ZNF623: variants seen among roughly 807,000 people sequenced by gnomAD.
The protein encoded by ZNF623 is zinc finger protein 623.
ZNF623 carries 16 observed loss-of-function variants against 24.0 expected under a neutral mutation model. That is an observed-to-expected ratio of 0.67 (90% CI 0.45 to 1.01). ZNF623 has a LOEUF of 1.01. Ranked by LOEUF, ZNF623 falls within the 50% of genes least tolerant of loss-of-function variation. ZNF623 has a pLI of 0.00. For missense variants in ZNF623, 566 were observed against 606.5 expected, an observed-to-expected ratio of 0.93 and a Z score of 0.70; for synonymous variants, 224 against 219.8, an observed-to-expected ratio of 1.02 and a Z score of -0.17.
At chr8:143,645,364 A>G (rs1254129732) in intron 1 of ZNF623, among the ~76,000 whole-genome samples, 5 of 149,704 alleles carry the variant, frequency 3.3e-5, no homozygotes, top group South Asian at 2.1e-4. Context: ...CCCAGGAGGC[A>G]GAGCCTGCAG....
chr8:143,649,285 A>AC (rs1199306336), intron 1 of ZNF623, among the ~76,000 whole-genome samples: 1 of 147,344 alleles, frequency 6.8e-6, no homozygotes, highest in African/African-American at 2.7e-5. Flanking sequence ...CTAAAAAAAA[A>AC]AAAAACAAAA....
chr8:143,646,341 C>G (rs997361731), intron 1 of ZNF623, among the ~76,000 whole-genome samples: 3 of 152,200 alleles, frequency 2.0e-5, no homozygotes, highest in African/African-American at 7.2e-5. Context: ...CTGTACCTGG[C>G]TTATTACCTT....
intron 1 of ZNF623, among the ~76,000 whole-genome samples, chr8:143,637,472 A>G (rs1032842318): frequency 2.0e-5 from 3 of 152,162 alleles, no homozygotes; most frequent in African/African-American, 4.8e-5. Flanking sequence ...ACACCCCTAG[A>G]CACCCCAGAG....
intron 1 of ZNF623, among the ~76,000 whole-genome samples, chr8:143,638,124 T>G (rs1235831225): frequency 1.3e-5 from 2 of 152,094 alleles, no homozygotes; most frequent in African/African-American, 4.8e-5. Flanking sequence ...GGGCAGATCA[T>G]GAGGTCAAGA....
rs1449671489 is a variant in ZNF623, at chr8:143,653,263, A to C, written c.*1780A>C. The C allele has an allele frequency of 6.0e-6, 1 of 167,080 alleles. No homozygotes were observed. The highest frequency in any genetic ancestry group is 2.4e-5 in the African/African-American group (1 of 41,436). The allele number at this position is 167,080 out of a possible 1,614,324, so 10.3% of individuals were successfully genotyped here. A position where few individuals can be genotyped will look rare whatever the true frequency, so the allele number is the denominator to read the frequency against. ...CCCCAAAGTCCAGTTTTGTAACGATATAATTTTTTTCTCATGAGGCCATAT... is the reference window on the plus strand; with the variant it reads ...CCCCAAAGTCCAGTTTTGTAACGATCTAATTTTTTTCTCATGAGGCCATAT... On this transcript the variant is annotated 3_prime_UTR_variant, in exon 2 of 2. Coordinates refer to ENST00000526926, the MANE Select transcript of ZNF623 (RefSeq NM_001261843.2).
chr8:143,648,042 C>CT (rs1235546839), intron 1 of ZNF623, among the ~76,000 whole-genome samples: 2 of 152,190 alleles, frequency 1.3e-5, no homozygotes, highest in African/African-American at 2.4e-5. Context: ...TGAAAAACTT[C>CT]TGAGAGCATC....
Position 143,649,928 on chromosome 8 carries a change from T to G in ZNF623, c.-65T>G, listed in dbSNP as rs749436722. 6.2e-7 allele frequency: 1 copy of G among 1,613,320 alleles called. No homozygotes were observed. Among genetic ancestry groups the G allele is most frequent in the Non-Finnish European group, 8.5e-7 (1 of 1,179,324 alleles). On this transcript the variant is annotated 5_prime_UTR_variant, in exon 2 of 2. Transcript: ENST00000526926. ...AATGTAGGAACTGGTGAGAAGAAGG[T>G]GACTGAAGCCTGGATTTCTGAGGAT...
Position 143,651,067 on chromosome 8 carries a change from G to A in ZNF623, c.1075G>A (p.Gly359Arg). The change falls in exon 2 of 2, where the codon GGA becomes AGA. Residue 359 changes from glycine to arginine, a missense_variant. Physicochemically the swap from Gly to Arg is moderately radical, Grantham distance 125. Coordinates refer to ENST00000526926, the MANE Select transcript of ZNF623 (RefSeq NM_001261843.2). ...YLIRHQKIHT[G>R]ERVYECKECG... Reference sequence around the variant, plus strand: ...TATTCGACACCAGAAAATCCACACTGGAGAGAGAGTGTATGAATGTAAGGA... The same window carrying A: ...TATTCGACACCAGAAAATCCACACTAGAGAGAGAGTGTATGAATGTAAGGA... The A allele has an allele frequency of 6.2e-7, 1 of 1,614,168 alleles. No homozygotes were observed. The highest frequency in any genetic ancestry group is 8.5e-7 in the Non-Finnish European group (1 of 1,180,020).
At position 143,651,447 on chromosome 8, in the gene ZNF623, G is replaced by A. The variant is rs375201753; in HGVS notation, c.1455G>A (p.Arg485=). The change falls in exon 2 of 2, where the codon AGG becomes AGA. Residue 485 remains arginine, a synonymous_variant. Coordinates refer to ENST00000526926, the MANE Select transcript of ZNF623 (RefSeq NM_001261843.2). ...AGGCCCCCATACATTTGGGTGAGAGGTCTGTAGATAAGGGGGAACACACAG... is the reference window on the plus strand; with the variant it reads ...AGGCCCCCATACATTTGGGTGAGAGATCTGTAGATAAGGGGGAACACACAG... ...LSKAPIHLGE[R]SVDKGEHTGN... is the part of the protein sequence containing the mutation. 1.3e-4 allele frequency: 208 copies of A among 1,600,786 alleles called. No individual in the cohort carries two copies. Among genetic ancestry groups the A allele is most frequent in the Non-Finnish European group, 1.6e-4 (190 of 1,175,290 alleles).
At chr8:143,643,378 A>G (rs1815102488) in intron 1 of ZNF623, among the ~76,000 whole-genome samples, 2 of 152,228 alleles carry the variant, frequency 1.3e-5, no homozygotes, top group Non-Finnish European at 2.9e-5. Context: ...TAACAAATGC[A>G]TGCTGCTTTA....
rs769530838 is a variant in ZNF623 at position 143,650,082 on chromosome 8, T to C, written c.90T>C (p.Ser30=). The change falls in exon 2 of 2, where the codon AGT becomes AGC. Residue 30 remains serine (S), a synonymous_variant. Transcript: ENST00000526926. The surrounding 1 kb of genome is among the most constrained non-coding windows in gnomAD (Gnocchi z 5.2). ...LGNPEGQSLG[S]SPSQDRGCKQ... ...ATCCAGAAGGTCAGAGCCTGGGGAGTTCCCCCTCTCAGGACAGGGGCTGCA... is the reference window on the plus strand; with the variant it reads ...ATCCAGAAGGTCAGAGCCTGGGGAGCTCCCCCTCTCAGGACAGGGGCTGCA... 1 of 1,613,678 alleles carries C rather than the reference T, an allele frequency of 6.2e-7. No homozygotes were observed. Among genetic ancestry groups the C allele is most frequent in the Admixed American group, 1.7e-5 (1 of 59,976 alleles).
chr8:143,651,663 C>A lies in ZNF623; in HGVS notation c.*180C>A. ...CTCAGCCCTTCTCCTCAGCTGTGAG[C>A]ACTGTCCTCAGGAGAGTCACAGGGC... On this transcript the variant is annotated 3_prime_UTR_variant, in exon 2 of 2. Coordinates refer to ENST00000526926, the MANE Select transcript of ZNF623 (RefSeq NM_001261843.2). 1.5e-6 allele frequency: 1 copy of A among 665,370 alleles called. No homozygotes were observed. Among genetic ancestry groups the A allele is most frequent in the Non-Finnish European group, 2.6e-6 (1 of 392,100 alleles). The allele number at this position is 665,370 out of a possible 1,614,324, so 41.2% of individuals were successfully genotyped here.
intron 1 of ZNF623, among the ~76,000 whole-genome samples, chr8:143,636,583 T>C (rs1443743032): frequency 1.3e-5 from 2 of 152,154 alleles, no homozygotes; most frequent in Non-Finnish European, 2.9e-5. Flanking sequence ...TTCCCGCGGC[T>C]GTGCCTGAAC....
chr8:143,646,795 G>A (rs769879602), intron 1 of ZNF623, among the ~76,000 whole-genome samples: 1 of 152,022 alleles, frequency 6.6e-6, no homozygotes, highest in Non-Finnish European at 1.5e-5. Flanking sequence ...CTCCCATGTA[G>A]TTGGAACCAC....
chr8:143,639,187 C>T (rs954040159), intron 1 of ZNF623, among the ~76,000 whole-genome samples: 2 of 146,904 alleles, frequency 1.4e-5, no homozygotes, highest in African/African-American at 2.5e-5. Flanking sequence ...CCACCATGTC[C>T]GGCCCACCCC....
At chr8:143,639,309 C>T (rs1465481698) in intron 1 of ZNF623, among the ~76,000 whole-genome samples, 2 of 152,120 alleles carry the variant, frequency 1.3e-5, no homozygotes, top group Non-Finnish European at 1.5e-5. Context: ...CCTCCACCTC[C>T]GCCTCCTGGG....
chr8:143,643,580 G>C (rs1175302961), intron 1 of ZNF623, among the ~76,000 whole-genome samples: 6 of 152,174 alleles, frequency 3.9e-5, no homozygotes, highest in Admixed American at 3.9e-4. Context: ...GCATAATTCC[G>C]GGTCCAGTCA....
chr8:143,647,783 A>G (rs1315470443), intron 1 of ZNF623, among the ~76,000 whole-genome samples: 1 of 152,184 alleles, frequency 6.6e-6, no homozygotes, highest in Non-Finnish European at 1.5e-5. Context: ...CTGTGTAGAA[A>G]AGAGCTGGAG....
intron 1 of ZNF623, among the ~76,000 whole-genome samples, chr8:143,641,198 G>A (rs938335289): frequency 7.9e-5 from 12 of 152,088 alleles, no homozygotes; most frequent in Non-Finnish European, 1.3e-4. Context: ...AATGTTCTTC[G>A]TGGCATCTAT....
Sources: allele counts gnomAD v4.1 joint callset (sites outside exome capture counted in the v4.1 genomes callset), GRCh38; gene constraint gnomAD v4.1.1; non-coding constraint Gnocchi (gnomAD v3.1); transcripts MANE v1.5; gene names NCBI Gene and HGNC (gene_info 2026-07-23, HGNC 2026-07-21).